MAST4: variants seen among roughly 807,000 people sequenced by gnomAD.
MAST4 encodes microtubule associated serine/threonine kinase family member 4, also known as microtubule-associated serine/threonine-protein kinase 4.
A neutral mutation model predicts 162.7 loss-of-function variants in MAST4; 89 were observed. That is an observed-to-expected ratio of 0.55 (90% CI 0.46 to 0.65). The LOEUF (loss-of-function observed/expected upper bound fraction) is 0.65. MAST4 is among the 30% of genes least tolerant of loss of function. MAST4 has a pLI of 0.00. For synonymous variants in MAST4, 1,479 were observed against 1,361.1 expected (o/e 1.09, Z -1.91); for missense variants, 3,153 against 3,374.0 (o/e 0.93, Z 1.62).
intron 5 of MAST4, among the ~76,000 whole-genome samples, chr5:67,081,096 T>C (rs891059913): frequency 3.0e-5 from 4 of 131,398 alleles, no homozygotes; most frequent in Non-Finnish European, 6.3e-5. Flanking sequence ...ATATAATATA[T>C]AATTGTATAT....
At chr5:66,753,306 A>G (rs1393089012) in intron 1 of MAST4, among the ~76,000 whole-genome samples, 1 of 152,312 alleles carries the variant, frequency 6.6e-6, no homozygotes, top group Admixed American at 6.5e-5. Flanking sequence ...AAAATCGAGC[A>G]GAACTGAAGG....
intron 1 of MAST4, 127 bp downstream of exon 1, chr5:66,597,145 C>T: frequency 2.5e-6 from 3 of 1,184,194 alleles, no homozygotes; most frequent in Non-Finnish European, 3.2e-6. Flanking sequence ...CCCAAGCGCT[C>T]TGCCCCGAGC....
chr5:67,105,029 C>G (rs574261030), intron 10 of MAST4, among the ~76,000 whole-genome samples: 1 of 152,162 alleles, frequency 6.6e-6, no homozygotes, highest in Admixed American at 6.5e-5. Context: ...GAATGGCAAC[C>G]TATATTTTCA....
At chr5:66,917,607 T>TTC (rs1554068098) in intron 4 of MAST4, among the ~76,000 whole-genome samples, 19 of 73,702 alleles carry the variant, frequency 2.6e-4, no homozygotes, top group African/African-American at 6.0e-4. Flanking sequence ...TTTTTTTTTT[T>TTC]CCCTAGATGG....
intron 1 of MAST4, among the ~76,000 whole-genome samples, chr5:66,623,341 A>G (rs1744197518): frequency 6.6e-6 from 1 of 152,236 alleles, no homozygotes; most frequent in African/African-American, 2.4e-5. Context: ...ACCACAAGAA[A>G]AGAAAACTAC....
intron 4 of MAST4, chr5:66,916,908 C>A: frequency 1.4e-6 from 1 of 699,338 alleles, no homozygotes; most frequent in South Asian, 1.6e-5. Flanking sequence ...TTCTCCCCTC[C>A]CCACAACAAA....
At chr5:66,825,500 C>G (rs1411335629) in intron 3 of MAST4, among the ~76,000 whole-genome samples, 2 of 152,146 alleles carry the variant, frequency 1.3e-5, no homozygotes, top group Non-Finnish European at 2.9e-5. Context: ...GAACCCATAT[C>G]CTTGTACCAA....
chr5:66,774,028 G>A (rs556417843), intron 2 of MAST4, among the ~76,000 whole-genome samples: 1 of 152,322 alleles, frequency 6.6e-6, no homozygotes, highest in Admixed American at 6.5e-5. Flanking sequence ...ATGTATGCAT[G>A]CACACACTGC....
In MAST4 at chr5:67,033,609, G is replaced by A. The variant is rs1001330991; in HGVS notation, c.675-20795G>A. 3.3e-4 allele frequency among the ~76,000 whole-genome samples: 50 copies of A among 152,152 alleles called. 1 individual carries two copies. The highest frequency in any genetic ancestry group is 7.4e-5 in the Non-Finnish European group (5 of 68,018). On this transcript the variant is annotated intron_variant, in intron 4 of 28. Coordinates refer to ENST00000403625, the MANE Select transcript of MAST4 (RefSeq NM_001164664.2). ...ACAGTTACAATGCTAAAGCAGTGAT[G>A]TGTGGTGCCCTATGAATTTTGTTAC...
chr5:66,655,174 T>C (rs1746467765), intron 1 of MAST4, among the ~76,000 whole-genome samples: 1 of 152,166 alleles, frequency 6.6e-6, no homozygotes, highest in Non-Finnish European at 1.5e-5. Context: ...CTTAGAACTT[T>C]GGTGTTAAGT....
chr5:66,692,411 C>CT (rs34946179), intron 1 of MAST4, among the ~76,000 whole-genome samples: 2,268 of 145,438 alleles, frequency 0.016, 24 homozygotes, highest in African/African-American at 0.031. Context: ...CTCTTGCTCT[C>CT]TTTTTTTTTT....
intron 3 of MAST4, among the ~76,000 whole-genome samples, chr5:66,839,277 G>A (rs1412095703): frequency 6.6e-6 from 1 of 152,144 alleles, no homozygotes; most frequent in Admixed American, 6.6e-5. Context: ...ACCTGTGGAA[G>A]CCATCTAGGT....
intron 1 of MAST4, among the ~76,000 whole-genome samples, chr5:66,723,191 A>G (rs749758220): frequency 6.6e-6 from 1 of 152,120 alleles, no homozygotes; most frequent in Non-Finnish European, 1.5e-5. Context: ...GTACCATTTT[A>G]AATCAGGAAT....
In MAST4 at chr5:66,829,179, T is replaced by C. The variant is rs560324149; in HGVS notation, c.642+40385T>C. On this transcript the variant is annotated intron_variant, in intron 3 of 28. Transcript: ENST00000403625. The stretch of plus-strand genomic sequence containing the variant: ...TGGCTGGCAGTGACAGCTGATGCAC[T>C]GATCTGGCATGCCGTCAAGTGTCTG... Among the ~76,000 whole-genome samples, 33 of 151,958 alleles carry C rather than the reference T, an allele frequency of 2.2e-4. 1 individual carries two copies. In the South Asian group the frequency reaches 6.9e-3, roughly 32 times the overall value.
At chr5:67,145,007 C>A (rs559282376) in intron 22 of MAST4, 137 bp from the exon 23 acceptor site, 98 of 899,582 alleles carry the variant, frequency 1.1e-4, no homozygotes, top group Non-Finnish European at 1.6e-4. Context: ...GTGGGTACCA[C>A]ACATTAAGAA....
intron 4 of MAST4, among the ~76,000 whole-genome samples, chr5:67,026,929 T>C (rs1028255546): frequency 8.5e-5 from 13 of 152,072 alleles, no homozygotes; most frequent in African/African-American, 3.1e-4. Flanking sequence ...TGAAAAGAAA[T>C]CAGGTTTAAA....
chr5:67,153,499 G>A lies in MAST4; in HGVS notation c.3567G>A (p.Lys1189=), dbSNP rs974703455. ...EGSPACQAGL[K]AGDLITHING... ...GTCCGGCATGCCAGGCAGGACTGAA[G>A]GCTGGAGATCTTATCACTCACATCA... Residue 1189 remains lysine, a synonymous_variant, in exon 26 of 29, where the codon AAG becomes AAA. Coordinates refer to ENST00000403625, the MANE Select transcript of MAST4 (RefSeq NM_001164664.2). The A allele has an allele frequency of 1.1e-5, 17 of 1,604,022 alleles. No homozygotes were observed. The African/African-American group carries it at 1.6e-4, about 15-fold the overall frequency.
intron 3 of MAST4, among the ~76,000 whole-genome samples, chr5:66,895,656 A>G (rs775383540): frequency 7.9e-5 from 12 of 152,100 alleles, no homozygotes; most frequent in Non-Finnish European, 1.6e-4. Flanking sequence ...TACCATCTTC[A>G]TTGCTGGTCC....
intron 4 of MAST4, among the ~76,000 whole-genome samples, chr5:66,956,801 A>G (rs1214972718): frequency 6.6e-6 from 1 of 152,238 alleles, no homozygotes; most frequent in Non-Finnish European, 1.5e-5. Context: ...GAAGAGTGAC[A>G]CATTCTGAAA....
Sources: gnomAD v4.1 joint callset for allele counts (sites outside exome capture counted in the v4.1 genomes callset) on GRCh38, gnomAD v4.1.1 for gene constraint, MANE v1.5 for transcripts, NCBI Gene and HGNC (gene_info 2026-07-23, HGNC 2026-07-21) for gene names.